The following ARID5A variants were observed in gnomAD, a reference collection of about 807,000 sequenced individuals.
The protein encoded by ARID5A is AT-rich interaction domain 5A, also known as AT-rich interactive domain-containing protein 5A.
A neutral mutation model predicts 30.5 loss-of-function variants in ARID5A; 14 were observed. The ratio of observed to expected loss-of-function variants is 0.46; its 90% CI spans 0.30 to 0.72. The LOEUF (loss-of-function observed/expected upper bound fraction) is 0.72. Ranked by LOEUF, ARID5A falls within the 30% of genes least tolerant of loss-of-function variation. The pLI is 0.07. For synonymous variants in ARID5A, 338 were observed against 340.4 expected (o/e 0.99, Z 0.08); for missense variants, 669 against 786.2 (o/e 0.85, Z 1.78).
chr2:96,549,851 G>C lies in ARID5A; in HGVS notation c.312+46G>C, dbSNP rs150981694. 39 of 1,595,736 alleles carry C rather than the reference G, an allele frequency of 2.4e-5. No homozygotes were observed. The East Asian group carries it at 5.8e-4, about 24-fold the overall frequency. On this transcript the variant is annotated intron_variant, in intron 4 of 6. Coordinates refer to ENST00000357485, the MANE Select transcript of ARID5A (RefSeq NM_212481.3). This position sits in a 1 kb window ranked among gnomAD's most constrained non-coding sequence, Gnocchi z 6.1. The stretch of plus-strand genomic sequence containing the variant: ...TCCTTGCCAAACTGCATATCCCTGG[G>C]GTGAGCCTGCAGCGCTGTCCTTGCC...
intron 1 of ARID5A, among the ~76,000 whole-genome samples, chr2:96,541,152 C>T (rs1237177018): frequency 1.3e-5 from 2 of 152,298 alleles, no homozygotes; most frequent in Admixed American, 6.5e-5. Context: ...ATTCTCCTGC[C>T]TCAGCCTCCT....
chr2:96,551,207 G>A lies in ARID5A; in HGVS notation c.679G>A (p.Val227Met), dbSNP rs762385422. Residue 227 changes from valine (V) to methionine (M), a missense_variant, in exon 7 of 7, where the codon GTG becomes ATG. By Grantham distance (21) the Val-to-Met change is conservative. Around this residue, in one of 4 missense-constraint regions of ARID5A, gnomAD observed 548 missense variants for 577.4 expected, o/e 0.95. Coordinates refer to ENST00000357485, the MANE Select transcript of ARID5A (RefSeq NM_212481.3). ...EQQGLASGSSVSFVGASGCPE... is the reference protein window; with the variant it reads ...EQQGLASGSSMSFVGASGCPE... The stretch of plus-strand genomic sequence containing the variant: ...GCAGGGCCTGGCCTCTGGGTCTTCT[G>A]TGTCCTTTGTGGGTGCCAGCGGCTG... The A allele has an allele frequency of 3.7e-6, 6 of 1,614,038 alleles. No homozygotes were observed. Among genetic ancestry groups the A allele is most frequent in the Non-Finnish European group, 3.4e-6 (4 of 1,180,008 alleles).
rs1416398829 is a variant in ARID5A, at chr2:96,550,172, C to T, written c.313-16C>T. On this transcript the variant is annotated splice_polypyrimidine_tract_variant and intron_variant, in intron 4 of 6. Coordinates refer to ENST00000357485, the MANE Select transcript of ARID5A (RefSeq NM_212481.3). This position sits in a 1 kb window ranked among gnomAD's most constrained non-coding sequence, Gnocchi z 6.6. ...GGGGCGCCCGCCGGCCGCGCCCTCA[C>T]GAGGTGCCCTTGCAGGTGACCGGGC... 2.0e-6 allele frequency: 3 copies of T among 1,533,998 alleles called. No homozygotes were observed. Among genetic ancestry groups the T allele is most frequent in the Non-Finnish European group, 8.8e-7 (1 of 1,142,142 alleles).
At chr2:96,546,700 G>A (rs1354477938) in intron 1 of ARID5A, among the ~76,000 whole-genome samples, 1 of 152,240 alleles carries the variant, frequency 6.6e-6, no homozygotes, top group Non-Finnish European at 1.5e-5. Flanking sequence ...GACCTGAGGG[G>A]TCACCAGGAC....
chr2:96,551,828 A>G lies in ARID5A; in HGVS notation c.1300A>G (p.Thr434Ala), dbSNP rs763975514. 3.1e-6 allele frequency: 5 copies of G among 1,596,942 alleles called. No individual in the cohort carries two copies. The East Asian group carries it at 1.1e-4, about 36-fold the overall frequency. ...VPAESPTLPP[T>A]FPSSPGLGSK... is the part of the protein sequence containing the mutation. ...AGCCGAGAGCCCCACGCTCCCGCCCACCTTCCCCAGTAGCCCAGGCCTGGG... is the reference window on the plus strand; with the variant it reads ...AGCCGAGAGCCCCACGCTCCCGCCCGCCTTCCCCAGTAGCCCAGGCCTGGG... The change falls in exon 7 of 7, where the codon ACC becomes GCC. Residue 434 changes from threonine to alanine, a missense_variant. Coordinates refer to ENST00000357485, the MANE Select transcript of ARID5A (RefSeq NM_212481.3).
Position 96,537,755 on chromosome 2 carries a change from G to T in ARID5A, c.4+925G>T, listed in dbSNP as rs560415391. The T allele has an allele frequency of 9.8e-5, 64 of 654,630 alleles. No homozygotes were observed. The Admixed American group carries it at 1.3e-3, about 14-fold the overall frequency. 40.6% of individuals were successfully genotyped at this position (654,630 alleles called of 1,614,324 possible). On this transcript the variant is annotated intron_variant, in intron 1 of 6. Coordinates refer to ENST00000357485, the MANE Select transcript of ARID5A (RefSeq NM_212481.3). This position sits in a 1 kb window ranked among gnomAD's most constrained non-coding sequence, Gnocchi z 4.8. The stretch of plus-strand genomic sequence containing the variant: ...CGTCCCTCCGCGGTGTCTAGGGGTC[G>T]CCCGGGCTGGGGTCGCGTCACCCTC...
Position 96,537,558 on chromosome 2 carries a change from C to A in ARID5A, c.4+728C>A, listed in dbSNP as rs2065760551. The A allele has an allele frequency of 6.6e-6, 1 of 152,058 alleles. No homozygotes were observed. The highest frequency in any genetic ancestry group is 2.4e-5 in the African/African-American group (1 of 41,436). The allele number at this position is 152,058 out of a possible 1,614,324, so 9.4% of individuals were successfully genotyped here. Reference sequence around the variant, plus strand: ...AGGAGAGGGGTCGCTTCCCTGGTTGCTCTCCTCTCCTGTCCCTTGTGTGTC... The same window carrying A: ...AGGAGAGGGGTCGCTTCCCTGGTTGATCTCCTCTCCTGTCCCTTGTGTGTC... On this transcript the variant is annotated intron_variant, in intron 1 of 6. Transcript: ENST00000357485. This position sits in a 1 kb window ranked among gnomAD's most constrained non-coding sequence, Gnocchi z 4.8.
intron 1 of ARID5A, among the ~76,000 whole-genome samples, chr2:96,544,177 A>G (rs1281540761): frequency 6.6e-6 from 1 of 152,254 alleles, no homozygotes; most frequent in African/African-American, 2.4e-5. Flanking sequence ...CGCCATCACC[A>G]TCACATAAAA....
At position 96,549,880 on chromosome 2, in the gene ARID5A, G is replaced by A. The variant is rs2065995564; in HGVS notation, c.312+75G>A. ...AGCCTGCAGCGCTGTCCTTGCCTCT[G>A]GACAGAGGAAGAGCCAGGATCCCCA... On this transcript the variant is annotated intron_variant, in intron 4 of 6. Transcript: ENST00000357485. This position sits in a 1 kb window ranked among gnomAD's most constrained non-coding sequence, Gnocchi z 6.1. 1 of 1,567,044 alleles carries A rather than the reference G, an allele frequency of 6.4e-7. No homozygotes were observed. Among genetic ancestry groups the A allele is most frequent in the Non-Finnish European group, 8.7e-7 (1 of 1,154,798 alleles).
Position 96,536,772 on chromosome 2 carries a change from C to T in ARID5A, c.-55C>T, listed in dbSNP as rs964958739. On this transcript the variant is annotated 5_prime_UTR_variant, in exon 1 of 7. Transcript: ENST00000357485. ...CCAGTATCTCAGAGAGCGCGGGGTCCGGACAGCCGCGCGCTGAGGGTCTCG... is the reference window on the plus strand; with the variant it reads ...CCAGTATCTCAGAGAGCGCGGGGTCTGGACAGCCGCGCGCTGAGGGTCTCG... The T allele has an allele frequency of 4.1e-6, 5 of 1,214,850 alleles. No homozygotes were observed. Among genetic ancestry groups the T allele is most frequent in the Admixed American group, 4.3e-5 (1 of 23,110 alleles). The allele number at this position is 1,214,850 out of a possible 1,614,324, so 75.3% of individuals were successfully genotyped here.
rs1054722806 is a variant in ARID5A at position 96,549,094 on chromosome 2, C to CG, written c.121-223dup. ...CAGCTGCTCTGGGGTACCCAGCCTC[C>CG]GGGGAGGTCCTGGACTCTAGCTCCT... On this transcript the variant is annotated intron_variant, in intron 2 of 6. Coordinates refer to ENST00000357485, the MANE Select transcript of ARID5A (RefSeq NM_212481.3). This position sits in a 1 kb window ranked among gnomAD's most constrained non-coding sequence, Gnocchi z 6.1. 6.6e-6 allele frequency among the ~76,000 whole-genome samples: 1 copy of CG among 152,180 alleles called. No individual in the cohort carries two copies. The highest frequency in any genetic ancestry group is 6.5e-5 in the Admixed American group (1 of 15,288).
intron 1 of ARID5A, among the ~76,000 whole-genome samples, chr2:96,543,410 G>A (rs548153598): frequency 7.3e-5 from 11 of 151,454 alleles, no homozygotes; most frequent in Admixed American, 1.3e-4. Flanking sequence ...ACCCAGCATC[G>A]AGCAAGTCTA....
At chr2:96,541,396 G>A (rs544990206) in intron 1 of ARID5A, among the ~76,000 whole-genome samples, 8 of 152,182 alleles carry the variant, frequency 5.3e-5, no homozygotes, top group Non-Finnish European at 1.2e-4. Context: ...TGGGCAACTT[G>A]CCCTCTGGAT....
Position 96,550,253 on chromosome 2 carries a change from C to T in ARID5A, c.378C>T (p.Ser126=), listed in dbSNP as rs750333929. Residue 126 remains serine, a synonymous_variant, in exon 5 of 7, where the codon AGC becomes AGT. Transcript: ENST00000357485. This position sits in a 1 kb window ranked among gnomAD's most constrained non-coding sequence, Gnocchi z 6.6. ...DELGGSPGST[S]AATCTRRHYE... is the part of the protein sequence containing the mutation. Reference sequence around the variant, plus strand: ...TGGGGGGCAGCCCAGGCAGCACCAGCGCGGCCACGTGCACGCGCCGCCACT... The same window carrying T: ...TGGGGGGCAGCCCAGGCAGCACCAGTGCGGCCACGTGCACGCGCCGCCACT... The T allele has an allele frequency of 3.3e-6, 5 of 1,499,808 alleles. No individual in the cohort carries two copies. The highest frequency in any genetic ancestry group is 4.4e-6 in the Non-Finnish European group (5 of 1,130,332). The allele number at this position is 1,499,808 out of a possible 1,614,324, so 92.9% of individuals were successfully genotyped here.
At position 96,551,899 on chromosome 2, in the gene ARID5A, G is replaced by A; in HGVS notation, c.1371G>A (p.Lys457=). The change falls in exon 7 of 7, where the codon AAG becomes AAA. Residue 457 remains lysine, a synonymous_variant. Transcript: ENST00000357485. The part of the protein sequence containing the change: ...LEEEGAAHSG[K]RLRAVSPFLK... Reference sequence around the variant, plus strand: ...AAGAGGGTGCTGCCCACAGTGGGAAGAGACTGCGGGCCGTGTCTCCCTTTC... The same window carrying A: ...AAGAGGGTGCTGCCCACAGTGGGAAAAGACTGCGGGCCGTGTCTCCCTTTC... 1 of 1,545,868 alleles carries A rather than the reference G, an allele frequency of 6.5e-7. No individual in the cohort carries two copies. Among genetic ancestry groups the A allele is most frequent in the South Asian group, 1.2e-5 (1 of 80,996 alleles).
rs1274710715 is a variant in ARID5A at position 96,551,083 on chromosome 2, CTT to C, written c.571-14_571-13del. ...GGGCTGAGGCAGTCCTGAGGCAAGA[CTT>C]TCTCTCATTCCAGATGATGCCAGGA... On this transcript the variant is annotated splice_polypyrimidine_tract_variant and intron_variant, in intron 6 of 6. Coordinates refer to ENST00000357485, the MANE Select transcript of ARID5A (RefSeq NM_212481.3). The C allele has an allele frequency of 6.9e-6, 11 of 1,600,148 alleles. No homozygotes were observed. Among genetic ancestry groups the C allele is most frequent in the African/African-American group, 5.4e-5 (4 of 74,528 alleles).
At chr2:96,545,263 T>A (rs983496283) in intron 1 of ARID5A, among the ~76,000 whole-genome samples, 3 of 151,498 alleles carry the variant, frequency 2.0e-5, no homozygotes, top group Admixed American at 6.6e-5. Flanking sequence ...TTCAAAGGAT[T>A]CTCCTGCCTC....
rs1573208669 is a variant in ARID5A, at chr2:96,552,565, C to T, written c.*252C>T. The T allele has an allele frequency of 6.6e-7, 1 of 1,509,536 alleles. No homozygotes were observed. Among genetic ancestry groups the T allele is most frequent in the Non-Finnish European group, 8.8e-7 (1 of 1,134,838 alleles). 93.5% of individuals were successfully genotyped at this position (1,509,536 alleles called of 1,614,324 possible). ...GGAGAGGATGGGCAGCTCCCACTGCCCCAGAGCGGAGCTCGAAGCACCCAG... is the reference window on the plus strand; with the variant it reads ...GGAGAGGATGGGCAGCTCCCACTGCTCCAGAGCGGAGCTCGAAGCACCCAG... On this transcript the variant is annotated 3_prime_UTR_variant, in exon 7 of 7. Coordinates refer to ENST00000357485, the MANE Select transcript of ARID5A (RefSeq NM_212481.3).
Position 96,552,439 on chromosome 2 carries a change from A to G in ARID5A, c.*126A>G. 6.4e-7 allele frequency: 1 copy of G among 1,552,810 alleles called. No individual in the cohort carries two copies. Reference sequence around the variant, plus strand: ...ACCCGGGCCATGCCCCTGGCTGGGCAGCCTGGCACAAGTGAAGAAGAAGGC... The same window carrying G: ...ACCCGGGCCATGCCCCTGGCTGGGCGGCCTGGCACAAGTGAAGAAGAAGGC... On this transcript the variant is annotated 3_prime_UTR_variant, in exon 7 of 7. Transcript: ENST00000357485.
Sources: allele counts gnomAD v4.1 joint callset (sites outside exome capture counted in the v4.1 genomes callset), GRCh38; gene constraint gnomAD v4.1.1; regional missense constraint gnomAD v4.1.1; non-coding constraint Gnocchi (gnomAD v3.1); transcripts MANE v1.5; gene names NCBI Gene and HGNC (gene_info 2026-07-23, HGNC 2026-07-21).